LINGO2: variants seen among roughly 807,000 people sequenced by gnomAD.
The protein encoded by LINGO2 is leucine-rich repeat and immunoglobulin-like domain-containing nogo receptor-interacting protein 2.
In LINGO2, 14 loss-of-function variants were observed where a neutral mutation model predicts 30.6. The observed-to-expected ratio is 0.46, with a 90% CI of 0.30 to 0.72. The LOEUF (loss-of-function observed/expected upper bound fraction) is 0.72, where lower values mean the gene tolerates loss of function less well. LINGO2 is among the 30% of genes least tolerant of loss of function. The probability of loss-of-function intolerance (pLI) is 0.07; values close to 1 mark genes in which losing one functional copy is unlikely to be tolerated. For synonymous variants in LINGO2, 317 were observed against 288.5 expected (o/e 1.10, Z -1.00); for missense variants, 729 against 751.7 (o/e 0.97, Z 0.35).
intron 1 of LINGO2, among the ~76,000 whole-genome samples, chr9:28,552,341 T>A (rs1373549903): frequency 6.6e-6 from 1 of 151,978 alleles, no homozygotes; most frequent in East Asian, 1.9e-4. Flanking sequence ...ATTAAGAAAA[T>A]AACTGCACGG....
At chr9:28,666,178 C>T (rs1828794849) in intron 1 of LINGO2, among the ~76,000 whole-genome samples, 1 of 152,120 alleles carries the variant, frequency 6.6e-6, no homozygotes, top group South Asian at 2.1e-4. Flanking sequence ...AGGTGTGAGT[C>T]ACTGCGCCCG....
At chr9:29,057,675 T>C in the LINGO2 span, among the ~76,000 whole-genome samples, 4 of 152,134 alleles carry the variant, frequency 2.6e-5, no homozygotes, top group South Asian at 6.2e-4. Flanking sequence ...AAAAACTACA[T>C]AGAGGCCCTG....
chr9:27,938,271 A>G, the LINGO2 span: 1 of 152,108 alleles, frequency 6.6e-6, no homozygotes, highest in Non-Finnish European at 1.5e-5. Context: ...CTAGCCGTAA[A>G]GAGATTAGAC....
At chr9:28,919,046 C>T in the LINGO2 span, among the ~76,000 whole-genome samples, 1 of 152,136 alleles carries the variant, frequency 6.6e-6, no homozygotes, top group Non-Finnish European at 1.5e-5. Flanking sequence ...GTAAAAATTA[C>T]TTAACTAATA....
intron 3 of LINGO2, among the ~76,000 whole-genome samples, chr9:28,368,579 C>T (rs977950136): frequency 1.2e-4 from 15 of 122,888 alleles, no homozygotes; most frequent in African/African-American, 4.6e-4. Flanking sequence ...TTCTTTCTTT[C>T]TCTTCTTTTC....
the LINGO2 span, among the ~76,000 whole-genome samples, chr9:29,100,910 G>A: frequency 9.2e-5 from 14 of 151,932 alleles, no homozygotes; most frequent in African/African-American, 2.2e-4. Context: ...AAGAAACTGC[G>A]GAGAAAAAAA....
intron 4 of LINGO2, among the ~76,000 whole-genome samples, chr9:28,232,419 CAAAAAAA>C (rs1220539550): frequency 1.3e-5 from 1 of 79,802 alleles, no homozygotes; most frequent in Non-Finnish European, 2.4e-5. Context: ...TTCTATCTCA[CAAAAAAA>C]AAAAAAAAAA....
chr9:28,677,166 A>G, the LINGO2 span, among the ~76,000 whole-genome samples: 1 of 152,188 alleles, frequency 6.6e-6, no homozygotes, highest in Non-Finnish European at 1.5e-5. Flanking sequence ...GGATTAACTA[A>G]CCAGGCAAGT....
chr9:28,266,936 G>A (rs939940155), intron 4 of LINGO2, among the ~76,000 whole-genome samples: 16 of 151,990 alleles, frequency 1.1e-4, no homozygotes, highest in African/African-American at 3.1e-4. Flanking sequence ...GCTGTGCCCC[G>A]CTGTACATCT....
At chr9:28,928,484 T>A in the LINGO2 span, among the ~76,000 whole-genome samples, 1,332 of 152,236 alleles carry the variant, frequency 8.7e-3, 25 homozygotes, top group African/African-American at 0.03. Context: ...TGTTTTTTTT[T>A]AAATAAATAT....
chr9:28,276,924 G>C (rs1326665420), intron 4 of LINGO2, among the ~76,000 whole-genome samples: 1 of 152,090 alleles, frequency 6.6e-6, no homozygotes, highest in Non-Finnish European at 1.5e-5. Flanking sequence ...TCTGATATGA[G>C]TCAGTAGTGA....
At chr9:28,457,042 A>G (rs1161331593) in intron 2 of LINGO2, among the ~76,000 whole-genome samples, 1 of 152,176 alleles carries the variant, frequency 6.6e-6, no homozygotes, top group Admixed American at 6.6e-5. Flanking sequence ...CCAAAGTGCT[A>G]TAAACTAGCC....
chr9:28,834,490 C>T, the LINGO2 span, among the ~76,000 whole-genome samples: 4 of 152,134 alleles, frequency 2.6e-5, no homozygotes, highest in South Asian at 2.1e-4. Flanking sequence ...AAACTGACTT[C>T]GTGTTTGTAA....
chr9:28,083,596 G>A (rs1422692846), intron 4 of LINGO2, among the ~76,000 whole-genome samples: 1 of 152,120 alleles, frequency 6.6e-6, no homozygotes, highest in East Asian at 1.9e-4. Flanking sequence ...GTTAGATTTG[G>A]CCACATAATG....
chr9:28,637,895 G>C (rs1019146648), intron 1 of LINGO2, among the ~76,000 whole-genome samples: 8 of 152,142 alleles, frequency 5.3e-5, no homozygotes, highest in African/African-American at 1.9e-4. Context: ...TCCCTGTCTT[G>C]TGCCAGTTTT....
At chr9:28,594,143 A>C (rs1825061103) in intron 1 of LINGO2, among the ~76,000 whole-genome samples, 1 of 152,110 alleles carries the variant, frequency 6.6e-6, no homozygotes, top group Non-Finnish European at 1.5e-5. Context: ...TAAAAGAGCA[A>C]AATCAATTTC....
the LINGO2 span, among the ~76,000 whole-genome samples, chr9:28,813,763 TTTAGA>T: frequency 2.6e-5 from 4 of 152,338 alleles, no homozygotes; most frequent in Middle Eastern, 3.4e-3. Context: ...AACAGTCTAC[TTTAGA>T]TTAGGTAATC....
intron 4 of LINGO2, among the ~76,000 whole-genome samples, chr9:28,077,134 G>A (rs1825648054): frequency 6.6e-6 from 1 of 152,010 alleles, no homozygotes; most frequent in South Asian, 2.1e-4. Context: ...TTGGCGATGT[G>A]AACATGTGGT....
At chr9:28,414,156 A>G (rs1822881262) in intron 2 of LINGO2, among the ~76,000 whole-genome samples, 1 of 152,018 alleles carries the variant, frequency 6.6e-6, no homozygotes, top group Admixed American at 6.6e-5. Flanking sequence ...GCTTCTAGCT[A>G]TCAAAATAAA....
Sources: allele counts gnomAD v4.1 joint callset (sites outside exome capture counted in the v4.1 genomes callset), GRCh38; gene constraint gnomAD v4.1.1; transcripts MANE v1.5; gene names NCBI Gene and HGNC (gene_info 2026-07-23, HGNC 2026-07-21).